Variants in SAMMSON observed in about 807,000 individuals in gnomAD.
SAMMSON encodes long intergenic non-protein coding RNA 1212.
intron 2 of SAMMSON, among the ~76,000 whole-genome samples, chr3:70,427,718 A>G (rs1043895778): frequency 6.7e-6 from 1 of 149,650 alleles, no homozygotes; most frequent in Non-Finnish European, 1.5e-5. Flanking sequence ...AGCCTGGGCG[A>G]CAGAGCGAAA....
intron 4 of SAMMSON, among the ~76,000 whole-genome samples, chr3:70,124,640 G>A (rs1392339865): frequency 2.6e-5 from 4 of 151,734 alleles, no homozygotes; most frequent in African/African-American, 7.3e-5. Context: ...GTGAAATCCC[G>A]TCTCTACTAA....
chr3:70,181,215 C>T (rs1395230158), intron 4 of SAMMSON, among the ~76,000 whole-genome samples: 1 of 152,200 alleles, frequency 6.6e-6, no homozygotes, highest in Admixed American at 6.5e-5. Flanking sequence ...AACATGTCCA[C>T]AGAAAAGGAT....
At chr3:70,009,995 T>G (rs970998334) in intron 1 of SAMMSON, among the ~76,000 whole-genome samples, 2 of 151,126 alleles carry the variant, frequency 1.3e-5, no homozygotes, top group African/African-American at 2.5e-5. Flanking sequence ...TGCACTGTGG[T>G]CTGAGAGACA....
chr3:70,221,068 C>A (rs1004162195), intron 4 of SAMMSON, among the ~76,000 whole-genome samples: 2 of 152,130 alleles, frequency 1.3e-5, no homozygotes, highest in Non-Finnish European at 2.9e-5. Context: ...ACAACAATAA[C>A]TAGCACTGGT....
intron 7 of SAMMSON, among the ~76,000 whole-genome samples, chr3:70,345,019 T>C (rs1389250796): frequency 6.6e-6 from 1 of 152,226 alleles, no homozygotes; most frequent in East Asian, 1.9e-4. Context: ...CAAAGAAATA[T>C]ATGTGTGTAT....
intron 7 of SAMMSON, among the ~76,000 whole-genome samples, chr3:70,326,999 C>G (rs1405827480): frequency 6.6e-6 from 1 of 152,132 alleles, no homozygotes; most frequent in Admixed American, 6.6e-5. Flanking sequence ...GCTAGGCTGA[C>G]AGGCATGTGC....
chr3:70,303,593 A>T (rs1047643390), intron 7 of SAMMSON, among the ~76,000 whole-genome samples: 1 of 152,134 alleles, frequency 6.6e-6, no homozygotes, highest in Non-Finnish European at 1.5e-5. Flanking sequence ...CAGAATCAGT[A>T]TATGTTATTT....
intron 4 of SAMMSON, among the ~76,000 whole-genome samples, chr3:70,149,349 G>A (rs888674576): frequency 4.6e-5 from 7 of 152,012 alleles, no homozygotes; most frequent in African/African-American, 1.7e-4. Context: ...ATGTAAAGAC[G>A]CAAACCTGCT....
chr3:70,280,497 TGCTTTCTAG>T (rs1188356795), intron 6 of SAMMSON, among the ~76,000 whole-genome samples: 12 of 152,142 alleles, frequency 7.9e-5, no homozygotes. Context: ...CCTCAAGCCC[TGCTTTCTAG>T]GGGAGCTGAG....
chr3:70,430,373 A>T (rs1026136228), intron 2 of SAMMSON, among the ~76,000 whole-genome samples: 1 of 152,146 alleles, frequency 6.6e-6, no homozygotes, highest in African/African-American at 2.4e-5. Context: ...GTATGCCACT[A>T]TCATCACAAT....
intron 6 of SAMMSON, among the ~76,000 whole-genome samples, chr3:70,289,067 T>C (rs1376498439): frequency 6.6e-6 from 1 of 152,178 alleles, no homozygotes; most frequent in Non-Finnish European, 1.5e-5. Flanking sequence ...ACATTTAAAG[T>C]TAATAGTGTT....
intron 2 of SAMMSON, among the ~76,000 whole-genome samples, chr3:70,402,290 A>G (rs1324163630): frequency 5.3e-5 from 8 of 152,216 alleles, no homozygotes. Context: ...ACATCCTTCC[A>G]TAAATTGAGT....
intron 4 of SAMMSON, among the ~76,000 whole-genome samples, chr3:70,145,009 A>G (rs1411722761): frequency 6.6e-6 from 1 of 152,104 alleles, no homozygotes; most frequent in Non-Finnish European, 1.5e-5. Flanking sequence ...ACTAATTCTT[A>G]GGGCCACACA....
intron 3 of SAMMSON, among the ~76,000 whole-genome samples, chr3:70,028,143 TTTCCTTCCTTCCTTCCTTCCTTCC>T (rs540467067): frequency 1.5e-5 from 2 of 130,762 alleles, no homozygotes; most frequent in Non-Finnish European, 3.2e-5. Flanking sequence ...TCCTTCCTTC[TTTCCTTCCTTCCTTCCTTCCTTCC>T]TTCCTTCCTT....
chr3:70,130,241 A>G (rs2067477172), intron 4 of SAMMSON, among the ~76,000 whole-genome samples: 1 of 152,236 alleles, frequency 6.6e-6, no homozygotes, highest in Admixed American at 6.5e-5. Flanking sequence ...TGTAAGTCAA[A>G]GAATTGCATC....
chr3:70,410,030 G>A (rs1203778171), intron 2 of SAMMSON, among the ~76,000 whole-genome samples: 3 of 151,846 alleles, frequency 2.0e-5, no homozygotes, highest in Non-Finnish European at 4.4e-5. Flanking sequence ...ATGAGATAGA[G>A]TTATTTAAAC....
chr3:70,279,700 C>A (rs1702062480), intron 6 of SAMMSON, among the ~76,000 whole-genome samples: 1 of 152,134 alleles, frequency 6.6e-6, no homozygotes, highest in African/African-American at 2.4e-5. Flanking sequence ...AAACACACAC[C>A]CTGGGGTGTG....
chr3:70,045,182 G>A (rs539264773), intron 3 of SAMMSON, among the ~76,000 whole-genome samples: 31 of 128,056 alleles, frequency 2.4e-4, no homozygotes, highest in African/African-American at 3.5e-4. Context: ...TATATATATC[G>A]TTAATTATAA....
chr3:70,040,301 A>G (rs939171822), intron 3 of SAMMSON, among the ~76,000 whole-genome samples: 32 of 152,290 alleles, frequency 2.1e-4, no homozygotes, highest in African/African-American at 5.8e-4. Context: ...AAATCATATG[A>G]GGCTAAATTC....
Sources: gnomAD v4.1 joint callset for allele counts (sites outside exome capture counted in the v4.1 genomes callset) on GRCh38, gnomAD v4.1.1 for gene constraint, MANE v1.5 for transcripts, NCBI Gene and HGNC (gene_info 2026-07-23, HGNC 2026-07-21) for gene names.